The following SLC43A1 variants were observed in gnomAD, a reference collection of about 807,000 sequenced individuals.
SLC43A1 encodes solute carrier family 43 member 1.
Under a neutral mutation model 59.5 loss-of-function variants are expected in SLC43A1, and 31 were observed. The observed-to-expected ratio is 0.52, with a 90% CI of 0.39 to 0.70. The LOEUF (loss-of-function observed/expected upper bound fraction) is 0.70. Ranked by LOEUF, SLC43A1 falls within the 30% of genes least tolerant of loss-of-function variation. The probability of loss-of-function intolerance (pLI) is 0.00; values close to 1 mark genes in which losing one functional copy is unlikely to be tolerated. For missense variants in SLC43A1, 598 were observed against 717.8 expected (o/e 0.83, Z 1.91); for synonymous variants, 259 against 290.9 (o/e 0.89, Z 1.12).
Position 57,501,274 on chromosome 11 carries a change from G to C in SLC43A1, c.210C>G (p.Asp70Glu), listed in dbSNP as rs777186092. 28 of 1,611,980 alleles carry C rather than the reference G, an allele frequency of 1.7e-5. No individual in the cohort carries two copies. Among genetic ancestry groups the C allele is most frequent in the Non-Finnish European group, 2.4e-5 (28 of 1,180,034 alleles). The change falls in exon 3 of 15, where the codon GAC becomes GAG. Residue 70 changes from aspartate to glutamate, a missense_variant. Physicochemically the swap from Asp to Glu is conservative, Grantham distance 45. Coordinates refer to ENST00000278426, the MANE Select transcript of SLC43A1 (RefSeq NM_003627.6). Reference protein sequence around the residue: ...QDEQRRWPGCDQQDEMLNLGF... With the variant: ...QDEQRRWPGCEQQDEMLNLGF... Reference sequence around the variant, plus strand: ...CCAGGTTGAGCATCTCGTCCTGCTGGTCACAGCCTGGCCACCTGCGCTGCT... The same window carrying C: ...CCAGGTTGAGCATCTCGTCCTGCTGCTCACAGCCTGGCCACCTGCGCTGCT...
rs376419402 is a variant in SLC43A1 at position 57,489,364 on chromosome 11, G to A, written c.1222C>T (p.Pro408Ser). The A allele has an allele frequency of 1.2e-6, 2 of 1,614,096 alleles. No individual in the cohort carries two copies. Among genetic ancestry groups the A allele is most frequent in the African/African-American group, 1.3e-5 (1 of 74,924 alleles). ...RDGVATKSIR[P>S]RYCKIQKLTN... ...AGCTTTTGGATCTTGCAGTAGCGTG[G>A]TCTGATGGATTTGGTAGCAACCCCG... The change falls in exon 12 of 15, where the codon CCA (proline) becomes TCA (serine). Residue 408 changes from proline (P) to serine (S), a missense_variant. By Grantham distance (74) the Pro-to-Ser change is moderately conservative. Coordinates refer to ENST00000278426, the MANE Select transcript of SLC43A1 (RefSeq NM_003627.6).
intron 2 of SLC43A1, among the ~76,000 whole-genome samples, chr11:57,510,628 C>CA (rs1348834951): frequency 2.6e-5 from 4 of 151,824 alleles, no homozygotes; most frequent in South Asian, 2.1e-4. Flanking sequence ...CCCACTGCTT[C>CA]ACTTGGCTAG....
In SLC43A1 at chr11:57,514,238, A is replaced by G; in HGVS notation, c.-13-114T>C. The G allele has an allele frequency of 7.9e-7, 1 of 1,265,560 alleles. No individual in the cohort carries two copies. Among genetic ancestry groups the G allele is most frequent in the East Asian group, 2.5e-5 (1 of 39,374 alleles). The allele number at this position is 1,265,560 out of a possible 1,614,324, so 78.4% of individuals were successfully genotyped here. A position where few individuals can be genotyped will look rare whatever the true frequency, so the allele number is the denominator to read the frequency against. On this transcript the variant is annotated intron_variant, in intron 1 of 14. Coordinates refer to ENST00000278426, the MANE Select transcript of SLC43A1 (RefSeq NM_003627.6). This position sits in a 1 kb window ranked among gnomAD's most constrained non-coding sequence, Gnocchi z 5.5. Reference sequence around the variant, plus strand: ...CCAGCCCGCGAGGAGCCCCTCATGGAGGCCCCATAGAGCCCTGGGCTTCCC... The same window carrying G: ...CCAGCCCGCGAGGAGCCCCTCATGGGGGCCCCATAGAGCCCTGGGCTTCCC...
intron 2 of SLC43A1, among the ~76,000 whole-genome samples, chr11:57,502,468 G>A (rs1243503071): frequency 1.3e-5 from 2 of 152,198 alleles, no homozygotes; most frequent in Admixed American, 1.3e-4. Flanking sequence ...TGAGGAAGGG[G>A]TAGCTGACCC....
intron 2 of SLC43A1, among the ~76,000 whole-genome samples, chr11:57,510,484 A>G (rs1336228868): frequency 2.7e-5 from 4 of 148,748 alleles, no homozygotes; most frequent in African/African-American, 9.9e-5. Context: ...AAAAAAAAAA[A>G]GATGGGCAAC....
At chr11:57,492,185 T>C (rs1432512330) in intron 8 of SLC43A1, among the ~76,000 whole-genome samples, 2 of 147,730 alleles carry the variant, frequency 1.4e-5, no homozygotes, top group South Asian at 4.2e-4. Flanking sequence ...GTGGTCAACA[T>C]AGCAAGACCC....
intron 2 of SLC43A1, 111 bp from the exon 3 acceptor site, chr11:57,501,440 TG>T: frequency 8.8e-7 from 1 of 1,132,268 alleles, no homozygotes; most frequent in Non-Finnish European, 1.3e-6. Flanking sequence ...CAAGTGCCTT[TG>T]GGGGTACCCT....
At chr11:57,500,205 TCGA>T (rs1359787763) in intron 5 of SLC43A1, among the ~76,000 whole-genome samples, 1 of 152,092 alleles carries the variant, frequency 6.6e-6, no homozygotes, top group Non-Finnish European at 1.5e-5. Context: ...CGACGAGGTG[TCGA>T]CAATTTCATA....
chr11:57,503,036 T>G (rs2649667), intron 2 of SLC43A1, among the ~76,000 whole-genome samples: 117,896 of 151,976 alleles, frequency 0.78, 45,891 homozygotes, highest in East Asian at 0.9. Context: ...GGTCATGCAG[T>G]TGGCAGAAGA....
chr11:57,495,786 T>C (rs1944063867), intron 7 of SLC43A1, among the ~76,000 whole-genome samples: 1 of 151,952 alleles, frequency 6.6e-6, no homozygotes, highest in Non-Finnish European at 1.5e-5. Flanking sequence ...ACCAAGACAC[T>C]ACACTCCAGC....
At chr11:57,493,818 C>A (rs1312582255) in intron 8 of SLC43A1, among the ~76,000 whole-genome samples, 175 bp downstream of exon 8, 2 of 152,208 alleles carry the variant, frequency 1.3e-5, no homozygotes, top group African/African-American at 4.8e-5. Context: ...AACTTCCCAG[C>A]GTTAGCTGAG....
At chr11:57,489,598 C>T (rs556323008) in intron 11 of SLC43A1, among the ~76,000 whole-genome samples, 33 of 152,314 alleles carry the variant, frequency 2.2e-4, no homozygotes, top group Admixed American at 2.0e-3. Context: ...CAATGACACA[C>T]GCATCAAAGC....
chr11:57,496,610 G>T (rs1020433303), intron 6 of SLC43A1, among the ~76,000 whole-genome samples: 2 of 152,136 alleles, frequency 1.3e-5, no homozygotes, highest in Admixed American at 6.5e-5. Context: ...TTCCCCAGGG[G>T]AAAAGGCAAA....
At chr11:57,497,689 C>T in intron 6 of SLC43A1, 64 bp downstream of exon 6, 1 of 1,277,106 alleles carries the variant, frequency 7.8e-7, no homozygotes, top group Non-Finnish European at 1.1e-6. Flanking sequence ...GCACTAGCTG[C>T]TGCTCACTCG....
chr11:57,494,780 C>A (rs1944028300), intron 7 of SLC43A1, among the ~76,000 whole-genome samples: 2 of 151,882 alleles, frequency 1.3e-5, no homozygotes, highest in African/African-American at 4.8e-5. Flanking sequence ...CATCGAGTGC[C>A]ATTGCTGAGG....
chr11:57,510,035 A>C (rs1944496983), intron 2 of SLC43A1, among the ~76,000 whole-genome samples: 1 of 152,158 alleles, frequency 6.6e-6, no homozygotes, highest in Non-Finnish European at 1.5e-5. Context: ...ACCTGAATAG[A>C]CCTTTCTCCA....
At chr11:57,500,253 C>CAACT (rs931768675) in intron 5 of SLC43A1, among the ~76,000 whole-genome samples, 1 of 152,162 alleles carries the variant, frequency 6.6e-6, no homozygotes, top group African/African-American at 2.4e-5. Flanking sequence ...ACACACCTAC[C>CAACT]AACTCATGGC....
chr11:57,512,664 T>TC (rs1228508662), intron 2 of SLC43A1, among the ~76,000 whole-genome samples: 5 of 151,918 alleles, frequency 3.3e-5, no homozygotes, highest in Admixed American at 3.3e-4. Flanking sequence ...CTAATAGCCC[T>TC]CCACTTGGTT....
At chr11:57,486,556 T>C (rs1325335473) in intron 14 of SLC43A1, among the ~76,000 whole-genome samples, 1 of 149,332 alleles carries the variant, frequency 6.7e-6, no homozygotes, top group East Asian at 2.0e-4. Context: ...TCCCAGCACT[T>C]TGGGAGGCTG....
Sources: gnomAD v4.1 joint callset for allele counts (sites outside exome capture counted in the v4.1 genomes callset) on GRCh38, gnomAD v4.1.1 for gene constraint, Gnocchi (gnomAD v3.1) non-coding constraint, MANE v1.5 for transcripts, NCBI Gene and HGNC (gene_info 2026-07-23, HGNC 2026-07-21) for gene names.